Variants in R3HDM1 observed in about 807,000 individuals in gnomAD.
R3HDM1 encodes R3H domain-containing protein 1.
R3HDM1 carries 46 observed loss-of-function variants against 141.1 expected under a neutral mutation model. The ratio of observed to expected loss-of-function variants is 0.33; its 90% confidence interval spans 0.26 to 0.42. R3HDM1 has a LOEUF of 0.42. Among genes scored for constraint, R3HDM1 ranks in the 10% least tolerant of loss-of-function variants. The pLI is 1.00. For missense variants in R3HDM1, 1,184 were observed against 1,368.3 expected (o/e 0.87, Z 2.12); for synonymous variants, 435 against 472.9 (o/e 0.92, Z 1.04).
At chr2:135,589,281 A>G (rs986405847) in intron 1 of R3HDM1, among the ~76,000 whole-genome samples, 5 of 152,198 alleles carry the variant, frequency 3.3e-5, no homozygotes, top group Non-Finnish European at 7.4e-5. Flanking sequence ...TAAGATGAAA[A>G]TCTTCTCAGA....
chr2:135,572,970 T>C (rs1704486529), intron 1 of R3HDM1, among the ~76,000 whole-genome samples: 1 of 152,106 alleles, frequency 6.6e-6, no homozygotes, highest in Admixed American at 6.5e-5. Context: ...ATAGAGACAG[T>C]AGATTAGTGG....
intron 1 of R3HDM1, among the ~76,000 whole-genome samples, chr2:135,545,833 G>A (rs1384027765): frequency 6.6e-6 from 1 of 152,170 alleles, no homozygotes; most frequent in Non-Finnish European, 1.5e-5. Flanking sequence ...TTAAACAAAA[G>A]ATGCCATAGT....
At position 135,631,876 on chromosome 2, in the gene R3HDM1, A is replaced by G. The variant is rs775818232; in HGVS notation, c.573A>G (p.Lys191=). 6.2e-7 allele frequency: 1 copy of G among 1,608,768 alleles called. No individual in the cohort carries two copies. The highest frequency in any genetic ancestry group is 1.1e-5 in the South Asian group (1 of 89,744). ...GTGCTTCTAGGTCTCCACGTAAAAA[A>G]TTCCCCCCAATGACATCTTACCATA... The part of the protein sequence containing the change: ...FIGNNESPRK[K]FPPMTSYHRM... The change falls in exon 9 of 27, where the codon AAA becomes AAG. Residue 191 remains lysine, a synonymous_variant. Transcript: ENST00000683871.
At chr2:135,669,309 A>G (rs1287644162) in intron 19 of R3HDM1, 1 of 985,256 alleles carries the variant, frequency 1.0e-6, no homozygotes, top group Non-Finnish European at 1.2e-6. Flanking sequence ...CCCCAAGTTC[A>G]TGTGGCTACC....
chr2:135,609,278 T>C (rs1476191516), intron 3 of R3HDM1, among the ~76,000 whole-genome samples: 1 of 152,218 alleles, frequency 6.6e-6, no homozygotes, highest in Non-Finnish European at 1.5e-5. Context: ...GTGTTTCTTA[T>C]TCAGGGTTTT....
intron 1 of R3HDM1, among the ~76,000 whole-genome samples, chr2:135,565,146 T>TTTATCCTA (rs1480983360): frequency 6.6e-6 from 1 of 152,146 alleles, no homozygotes; most frequent in East Asian, 1.9e-4. Context: ...AAACTTTCTG[T>TTTATCCTA]AAGTGGTCTT....
intron 1 of R3HDM1, among the ~76,000 whole-genome samples, chr2:135,570,350 A>C (rs1159316448): frequency 6.6e-6 from 1 of 152,208 alleles, no homozygotes; most frequent in Non-Finnish European, 1.5e-5. Context: ...TGCTGTAGGA[A>C]TACATAAGCA....
chr2:135,571,690 A>G (rs1704147426), intron 1 of R3HDM1, among the ~76,000 whole-genome samples: 1 of 152,110 alleles, frequency 6.6e-6, no homozygotes. Flanking sequence ...GCAGTGGCAC[A>G]ATCACAGCTC....
chr2:135,616,284 A>G, intron 4 of R3HDM1, 91 bp downstream of exon 4: 4 of 1,251,866 alleles, frequency 3.2e-6, no homozygotes, highest in Non-Finnish European at 4.5e-6. Context: ...CATTCAGTTT[A>G]GTTCTTCCAT....
At chr2:135,662,384 T>C (rs1350185467) in intron 19 of R3HDM1, among the ~76,000 whole-genome samples, 1 of 152,220 alleles carries the variant, frequency 6.6e-6, no homozygotes, top group Non-Finnish European at 1.5e-5. Flanking sequence ...CTTCTCTTTA[T>C]TGTTGCAGTC....
At chr2:135,699,025 A>AGATT (rs1348503138) in intron 21 of R3HDM1, among the ~76,000 whole-genome samples, 5 of 118,110 alleles carry the variant, frequency 4.2e-5, no homozygotes, top group African/African-American at 1.2e-4. Context: ...ATAGATAGAT[A>AGATT]GATAGATAGA....
chr2:135,639,042 G>A lies in R3HDM1; in HGVS notation c.1139G>A (p.Ser380Asn), dbSNP rs1180323865. Residue 380 changes from serine (S) to asparagine (N), a missense_variant, in exon 14 of 27, where the codon AGC (serine) becomes AAC (asparagine). Physicochemically the swap from Ser to Asn is conservative, Grantham distance 46 (BLOSUM62 1). Transcript: ENST00000683871. ...CTGAAACCTGCTGTAACCAAAGCCA[G>A]CAGCTTCAGTGGAATCTCAGTCCTG... ...RNLKPAVTKA[S>N]SFSGISVLTR... 7 of 1,614,146 alleles carry A rather than the reference G, an allele frequency of 4.3e-6. No individual in the cohort carries two copies. The highest frequency in any genetic ancestry group is 5.9e-6 in the Non-Finnish European group (7 of 1,180,010).
At position 135,608,874 on chromosome 2, in the gene R3HDM1, C is replaced by T. The variant is rs542318994; in HGVS notation, c.171+3858C>T. Among the ~76,000 whole-genome samples the T allele has an allele frequency of 2.6e-5, 4 of 152,260 alleles. No homozygotes were observed. In the South Asian group the frequency reaches 6.2e-4, roughly 24 times the overall value. ...CAGCTACCATGAATATTATAACTTA[C>T]ATCTGTTATCTTGCTTCAGCATAGT... On this transcript the variant is annotated intron_variant, in intron 3 of 26. Coordinates refer to ENST00000683871, the MANE Select transcript of R3HDM1 (RefSeq NM_001378107.1).
intron 7 of R3HDM1, among the ~76,000 whole-genome samples, chr2:135,624,256 G>A (rs1395586724): frequency 3.9e-5 from 6 of 152,102 alleles, no homozygotes; most frequent in Non-Finnish European, 5.9e-5. Flanking sequence ...TTAGCTGGGT[G>A]TGGTGGCGGG....
At position 135,604,931 on chromosome 2, in the gene R3HDM1, T is replaced by G; in HGVS notation, c.86T>G (p.Val29Gly). 1 of 1,612,144 alleles carries G rather than the reference T, an allele frequency of 6.2e-7. No homozygotes were observed. The highest frequency in any genetic ancestry group is 8.5e-7 in the Non-Finnish European group (1 of 1,178,552). Residue 29 changes from valine to glycine, a missense_variant, in exon 3 of 27, where the codon GTT becomes GGT. Coordinates refer to ENST00000683871, the MANE Select transcript of R3HDM1 (RefSeq NM_001378107.1). ...LEAEVKDTTR[V>G]ENLIKSENYG... ...GCAGAAGTGAAAGATACAACCAGAG[T>G]TGAAAATCTTATCAAATCAGAAAAC...
At chr2:135,586,623 A>C in intron 1 of R3HDM1, 1 of 852,382 alleles carries the variant, frequency 1.2e-6, no homozygotes. Context: ...ATTCTACTAT[A>C]TTGAAAGTGA....
At chr2:135,557,250 T>C (rs2104946751) in intron 1 of R3HDM1, among the ~76,000 whole-genome samples, 1 of 152,316 alleles carries the variant, frequency 6.6e-6, no homozygotes, top group Middle Eastern at 3.4e-3. Context: ...GCTCTTTTTT[T>C]CCTCTACTAA....
chr2:135,617,017 A>G, intron 5 of R3HDM1, among the ~76,000 whole-genome samples: 1 of 152,300 alleles, frequency 6.6e-6, no homozygotes, highest in Non-Finnish European at 1.5e-5. Context: ...GTTATAAATT[A>G]ATTTTTATAA....
intron 1 of R3HDM1, chr2:135,590,682 G>A: frequency 5.1e-6 from 5 of 985,366 alleles, no homozygotes; most frequent in Non-Finnish European, 6.0e-6. Context: ...TGTGAACTAT[G>A]AGAGATTGTG....
Sources: gnomAD v4.1 joint callset for allele counts (sites outside exome capture counted in the v4.1 genomes callset) on GRCh38, gnomAD v4.1.1 for gene constraint, MANE v1.5 for transcripts, NCBI Gene and HGNC (gene_info 2026-07-23, HGNC 2026-07-21) for gene names.